The following ATF7 variants were observed in gnomAD, a reference collection of about 807,000 sequenced individuals.
ATF7 encodes cyclic AMP-dependent transcription factor ATF-7.
In ATF7, 10 loss-of-function variants were observed where a neutral mutation model predicts 50.4. That is an observed-to-expected ratio of 0.20 (90% CI 0.12 to 0.34). The LOEUF is 0.34. Among genes scored for constraint, ATF7 ranks in the 10% least tolerant of loss-of-function variants. The pLI is 1.00. For synonymous variants in ATF7, 201 were observed against 226.4 expected (o/e 0.89, Z 1.01); for missense variants, 465 against 613.9 (o/e 0.76, Z 2.56).
chr12:53,586,015 C>A (rs549087213), intron 2 of ATF7, among the ~76,000 whole-genome samples: 71 of 152,204 alleles, frequency 4.7e-4, no homozygotes, highest in Non-Finnish European at 7.8e-4. Context: ...CTCATCTGGG[C>A]AGTCAAATAT....
At chr12:53,590,916 G>A (rs1942911412) in intron 2 of ATF7, among the ~76,000 whole-genome samples, 1 of 152,172 alleles carries the variant, frequency 6.6e-6, no homozygotes, top group African/African-American at 2.4e-5. Flanking sequence ...TTTTATGGCA[G>A]TGAGACTATT....
intron 1 of ATF7, among the ~76,000 whole-genome samples, chr12:53,614,191 T>G (rs1434179866): frequency 6.6e-6 from 1 of 152,116 alleles, no homozygotes; most frequent in Non-Finnish European, 1.5e-5. Flanking sequence ...CAGGACTATT[T>G]TGAGCTATCC....
At chr12:53,608,742 A>T (rs1258461359) in intron 1 of ATF7, among the ~76,000 whole-genome samples, 5 of 152,110 alleles carry the variant, frequency 3.3e-5, no homozygotes, top group South Asian at 2.1e-4. Flanking sequence ...TAAACACACA[A>T]CTTCAGTTAC....
rs537536632 is a variant in ATF7, at chr12:53,567,990, C to T, written c.49-15353G>A. ...AATACTTTTATCTTCTAATTTGCTA[C>T]ACATTAAGTGTTACAATTTCTGGAT... On this transcript the variant is annotated intron_variant, in intron 2 of 11. Transcript: ENST00000420353. Among the ~76,000 whole-genome samples the T allele has an allele frequency of 5.3e-5, 8 of 152,296 alleles. No homozygotes were observed. In the South Asian group the frequency reaches 1.7e-3, roughly 32 times the overall value.
Position 53,524,999 on chromosome 12 carries a change from ACT to A in ATF7, c.928-240_928-239del, listed in dbSNP as rs1482401340. The A allele has an allele frequency of 2.3e-6, 1 of 440,696 alleles. No homozygotes were observed. Among genetic ancestry groups the A allele is most frequent in the African/African-American group, 2.1e-5 (1 of 48,748 alleles). The allele number at this position is 440,696 out of a possible 1,614,324, so 27.3% of individuals were successfully genotyped here. On this transcript the variant is annotated intron_variant, in intron 9 of 11. Coordinates refer to ENST00000420353, the MANE Select transcript of ATF7 (RefSeq NM_006856.3). The surrounding 1 kb of genome is among the most constrained non-coding windows in gnomAD (Gnocchi z 4.6). ...TAGACAAACTACAGTTCATTTGGAA[ACT>A]CTGATTATTTATAAGACAGACAGAC... is the stretch of plus-strand genomic sequence containing the variant.
intron 2 of ATF7, among the ~76,000 whole-genome samples, chr12:53,594,446 C>T (rs913480897): frequency 2.0e-5 from 3 of 152,046 alleles, no homozygotes; most frequent in Non-Finnish European, 4.4e-5. Context: ...CTACTGTGCT[C>T]TAGTAACATA....
intron 1 of ATF7, among the ~76,000 whole-genome samples, chr12:53,620,575 CAAAAAAAA>C (rs34516346): frequency 2.6e-5 from 2 of 75,772 alleles, no homozygotes; most frequent in Non-Finnish European, 4.8e-5. Context: ...GACTCCGTCT[CAAAAAAAA>C]AAAAAAAAAA....
intron 2 of ATF7, among the ~76,000 whole-genome samples, chr12:53,587,841 ATAT>A (rs1197356987): frequency 0.039 from 1,817 of 46,344 alleles, 14 homozygotes; most frequent in East Asian, 0.13. Flanking sequence ...ATATATATAT[ATAT>A]TTTTTTTTTT....
Position 53,542,107 on chromosome 12 carries a change from G to GTTTTTTTTTTTTTTTTT in ATF7, c.264+1206_264+1222dup, listed in dbSNP as rs1199418506. The stretch of plus-strand genomic sequence containing the variant: ...GGGTGTGAGCCACTGCGCCTGGCCT[G>GTTTTTTTTTTTTTTTTT]TTTTTTTTTTTTTTTTTTTAAGAGA... On this transcript the variant is annotated intron_variant, in intron 4 of 11. Coordinates refer to ENST00000420353, the MANE Select transcript of ATF7 (RefSeq NM_006856.3). Among the ~76,000 whole-genome samples, 43 of 101,454 alleles carry GTTTTTTTTTTTTTTTTT rather than the reference G, an allele frequency of 4.2e-4. 6 individuals carry two copies. Among genetic ancestry groups the GTTTTTTTTTTTTTTTTT allele is most frequent in the African/African-American group, 1.5e-3 (42 of 27,290 alleles). The allele number at this position is 101,454 out of a possible 152,430, so 66.6% of individuals were successfully genotyped here.
intron 11 of ATF7, among the ~76,000 whole-genome samples, chr12:53,522,967 T>C (rs558206653): frequency 2.6e-5 from 4 of 152,376 alleles, no homozygotes; most frequent in African/African-American, 9.6e-5. Context: ...GAGTGCAGTT[T>C]TCTCACATAT....
intron 5 of ATF7, among the ~76,000 whole-genome samples, chr12:53,535,081 C>T (rs1206145615): frequency 6.6e-6 from 1 of 152,092 alleles, no homozygotes; most frequent in Non-Finnish European, 1.5e-5. Context: ...CCCAACATCT[C>T]CAACACACCT....
chr12:53,576,102 A>G lies in ATF7; in HGVS notation c.49-23465T>C, dbSNP rs75389619. Reference sequence around the variant, plus strand: ...AGACACCAGAGGACACACCCAGGGAAGTAACTCTGCTTCTTTAAAAAGCTG... The same window carrying G: ...AGACACCAGAGGACACACCCAGGGAGGTAACTCTGCTTCTTTAAAAAGCTG... On this transcript the variant is annotated intron_variant, in intron 2 of 11. Transcript: ENST00000420353. The G allele has an allele frequency of 2.3e-3, 349 of 154,682 alleles. 2 individuals carry two copies. Among genetic ancestry groups the G allele is most frequent in the African/African-American group, 8.0e-3 (333 of 41,682 alleles). 9.6% of individuals were successfully genotyped at this position (154,682 alleles called of 1,614,324 possible).
chr12:53,587,854 T>TC (rs1942786298), intron 2 of ATF7, among the ~76,000 whole-genome samples: 1 of 136,062 alleles, frequency 7.3e-6, no homozygotes, highest in Non-Finnish European at 1.6e-5. Flanking sequence ...TTTTTTTTTT[T>TC]TTTTCTTTTT....
intron 8 of ATF7, 57 bp downstream of exon 8, chr12:53,532,453 G>A (rs896232637): frequency 2.2e-6 from 3 of 1,363,466 alleles, no homozygotes; most frequent in East Asian, 5.0e-5. Context: ...GACCTAGGCT[G>A]GTATCACCCA....
chr12:53,535,347 A>T (rs1303519162), intron 5 of ATF7, among the ~76,000 whole-genome samples: 12 of 151,342 alleles, frequency 7.9e-5, no homozygotes, highest in South Asian at 6.3e-4. Context: ...AAAAAAAAAG[A>T]AAAGGGAGGA....
intron 9 of ATF7, among the ~76,000 whole-genome samples, chr12:53,529,065 C>T (rs1394081752): frequency 1.3e-5 from 2 of 152,022 alleles, no homozygotes; most frequent in South Asian, 4.1e-4. Context: ...CATGGCGAGT[C>T]TCCATCTCTT....
intron 2 of ATF7, among the ~76,000 whole-genome samples, chr12:53,592,632 T>C (rs1430403309): frequency 1.3e-5 from 2 of 152,188 alleles, no homozygotes; most frequent in Non-Finnish European, 2.9e-5. Context: ...ACCCAATTTC[T>C]GTTTAAAACA....
intron 2 of ATF7, among the ~76,000 whole-genome samples, chr12:53,567,288 C>T (rs1941492558): frequency 6.6e-6 from 1 of 152,116 alleles, no homozygotes; most frequent in Admixed American, 6.5e-5. Flanking sequence ...ATCTCATCAC[C>T]ACCTATTGCC....
chr12:53,620,034 C>CAGGAGGCTGAGGT (rs1465112879), intron 1 of ATF7, among the ~76,000 whole-genome samples: 3 of 151,920 alleles, frequency 2.0e-5, no homozygotes, highest in African/African-American at 7.3e-5. Flanking sequence ...CTCAGCTACT[C>CAGGAGGCTGAGGT]AGGAGGCTGA....
Sources: gnomAD v4.1 joint callset for allele counts (sites outside exome capture counted in the v4.1 genomes callset) on GRCh38, gnomAD v4.1.1 for gene constraint, Gnocchi (gnomAD v3.1) non-coding constraint, MANE v1.5 for transcripts, NCBI Gene and HGNC (gene_info 2026-07-23, HGNC 2026-07-21) for gene names.